Variants in VWCE observed in about 807,000 individuals in gnomAD.
VWCE encodes the protein von Willebrand factor C and EGF domains, also known as von Willebrand factor C and EGF domain-containing protein.
A neutral mutation model predicts 102.9 loss-of-function variants in VWCE; 68 were observed. The observed-to-expected ratio is 0.66, with a 90% CI of 0.54 to 0.81. The LOEUF (loss-of-function observed/expected upper bound fraction) is 0.81. Among genes scored for constraint, VWCE ranks in the 30% least tolerant of loss-of-function variants. The pLI is 0.00. For synonymous variants in VWCE, 497 were observed against 515.4 expected (o/e 0.96, Z 0.48); for missense variants, 1,137 against 1,263.6 (o/e 0.90, Z 1.52).
chr11:61,275,759 A>T (rs56352432), intron 11 of VWCE, among the ~76,000 whole-genome samples: 8,733 of 152,268 alleles, frequency 0.057, 768 homozygotes, highest in African/African-American at 0.19. Flanking sequence ...AGCAGGGAAC[A>T]TCCATGACAG....
At chr11:61,260,383 C>G (rs946302965) in intron 19 of VWCE, among the ~76,000 whole-genome samples, 1 of 152,318 alleles carries the variant, frequency 6.6e-6, no homozygotes. Flanking sequence ...AAGCGATCCT[C>G]CCATCTCGGC....
intron 19 of VWCE, among the ~76,000 whole-genome samples, chr11:61,262,441 C>T (rs1442874075): frequency 6.6e-6 from 1 of 152,212 alleles, no homozygotes; most frequent in East Asian, 1.9e-4. Context: ...CGCTGGAACA[C>T]TCCATGAACA....
intron 6 of VWCE, 122 bp downstream of exon 6, chr11:61,282,667 C>T: frequency 1.3e-6 from 1 of 781,586 alleles, no homozygotes; most frequent in Non-Finnish European, 2.2e-6. Context: ...AAGGCTCAAG[C>T]CCCTTCAAGC....
chr11:61,266,934 A>C (rs530824417), intron 16 of VWCE, among the ~76,000 whole-genome samples: 1 of 152,292 alleles, frequency 6.6e-6, no homozygotes, highest in Admixed American at 6.5e-5. Context: ...GGTAACCCGG[A>C]AGCAGAGGAC....
Position 61,258,644 on chromosome 11 carries a change from T to C in VWCE, c.*31A>G, listed in dbSNP as rs1436750784. 1.5e-6 allele frequency: 2 copies of C among 1,342,170 alleles called. No individual in the cohort carries two copies. Among genetic ancestry groups the C allele is most frequent in the Non-Finnish European group, 1.9e-6 (2 of 1,040,582 alleles). The allele number at this position is 1,342,170 out of a possible 1,614,324, so 83.1% of individuals were successfully genotyped here. ...CCCTGGGCCACTGGCAGAGGTCCTC[T>C]CTCCAGAGTCTCCCGGACACAGTGA... On this transcript the variant is annotated 3_prime_UTR_variant, in exon 20 of 20. Transcript: ENST00000335613.
chr11:61,282,492 G>T, intron 6 of VWCE: 1 of 321,940 alleles, frequency 3.1e-6, no homozygotes, highest in Non-Finnish European at 5.7e-6. Context: ...GGGAGCAAAG[G>T]CAGCCAAGAA....
intron 15 of VWCE, among the ~76,000 whole-genome samples, 175 bp from the exon 16 acceptor site, chr11:61,267,719 G>A (rs1854555786): frequency 6.6e-6 from 1 of 152,184 alleles, no homozygotes; most frequent in Non-Finnish European, 1.5e-5. Flanking sequence ...TGTCTGAATC[G>A]GGTATTGACT....
At chr11:61,291,997 T>C (rs1855519115) in intron 1 of VWCE, among the ~76,000 whole-genome samples, 1 of 152,166 alleles carries the variant, frequency 6.6e-6, no homozygotes, top group Non-Finnish European at 1.5e-5. Flanking sequence ...CGAAGCAGGC[T>C]GATCATTTTG....
intron 19 of VWCE, among the ~76,000 whole-genome samples, chr11:61,259,764 A>G (rs1156709867): frequency 6.6e-6 from 1 of 152,220 alleles, no homozygotes; most frequent in East Asian, 1.9e-4. Context: ...TCTGAGGCAT[A>G]TGGGAACTCT....
At position 61,292,492 on chromosome 11, in the gene VWCE, T is replaced by C. The variant is rs191707734; in HGVS notation, c.111-916A>G. On this transcript the variant is annotated intron_variant, in intron 1 of 19. Transcript: ENST00000335613. ...ACAGGAGTGCCTGGCATGTAGTAGG[T>C]GCTCAATAAATGGCTGTTGAGGGAA... 2.6e-5 allele frequency among the ~76,000 whole-genome samples: 4 copies of C among 152,228 alleles called. No homozygotes were observed. In the East Asian group the frequency reaches 7.7e-4, roughly 29 times the overall value.
At chr11:61,277,263 C>T (rs920726731) in intron 10 of VWCE, among the ~76,000 whole-genome samples, 20 of 151,710 alleles carry the variant, frequency 1.3e-4, no homozygotes, top group African/African-American at 4.8e-4. Context: ...GTCTGCATGC[C>T]CCTGATTTCA....
chr11:61,270,196 G>A (rs758925177), intron 14 of VWCE, among the ~76,000 whole-genome samples: 1 of 152,198 alleles, frequency 6.6e-6, no homozygotes, highest in Non-Finnish European at 1.5e-5. Flanking sequence ...TGGGATTACA[G>A]GCGTGAGCCA....
At chr11:61,282,429 G>T (rs1008934075) in intron 6 of VWCE, 2 of 216,652 alleles carry the variant, frequency 9.2e-6, no homozygotes, top group Non-Finnish European at 1.8e-5. Context: ...TGAGAAAACA[G>T]GGTCTCCTTC....
Position 61,259,086 on chromosome 11 carries a change from T to C in VWCE, c.2457A>G (p.Gly819=). Residue 819 remains glycine (G), a synonymous_variant, in exon 20 of 20, where the codon GGA becomes GGG. Transcript: ENST00000335613. ...AAGCGAGTGAGTGTGGACCATGAGC[T>C]CCTGCCGGGCTTGTAGGTAAAGTCT... is the stretch of plus-strand genomic sequence containing the variant. The part of the protein sequence containing the change: ...KTQTLPTSPA[G]AHGPHSLALG... 1 of 1,613,880 alleles carries C rather than the reference T, an allele frequency of 6.2e-7. No individual in the cohort carries two copies. The highest frequency in any genetic ancestry group is 8.5e-7 in the Non-Finnish European group (1 of 1,179,894).
chr11:61,263,455 C>T (rs1446668541), intron 19 of VWCE, among the ~76,000 whole-genome samples: 1 of 152,090 alleles, frequency 6.6e-6, no homozygotes, highest in Non-Finnish European at 1.5e-5. Context: ...GCCAAAGAAG[C>T]AGAGAATAGA....
In VWCE at chr11:61,259,119, C is replaced by T. The variant is rs1854278181; in HGVS notation, c.2424G>A (p.Met808Ile). 6.2e-7 allele frequency: 1 copy of T among 1,614,124 alleles called. No individual in the cohort carries two copies. Among genetic ancestry groups the T allele is most frequent in the Non-Finnish European group, 8.5e-7 (1 of 1,180,004 alleles). ...GGCTTGTAGGTAAAGTCTGTGTTTT[C>T]ATCAAGTTCGTTCTTAAAAGGAGCT... Reference protein sequence around the residue: ...LLQLLLRTNLMKTQTLPTSPA... With the variant: ...LLQLLLRTNLIKTQTLPTSPA... The change falls in exon 20 of 20, where the codon ATG becomes ATA. Residue 808 changes from methionine to isoleucine, a missense_variant. By Grantham distance (10) the Met-to-Ile change is conservative (BLOSUM62 1). Around this residue, in one of 5 missense-constraint regions of VWCE, gnomAD observed 316 missense variants for 319.3 expected, o/e 0.99. Transcript: ENST00000335613.
Position 61,294,875 on chromosome 11 carries a change from C to G in VWCE, c.110+53G>C, listed in dbSNP as rs1263372733. On this transcript the variant is annotated intron_variant, in intron 1 of 19. Transcript: ENST00000335613. This position sits in a 1 kb window ranked among gnomAD's most constrained non-coding sequence, Gnocchi z 6.3. ...CGCCCCTCCGCGCCTCTCGACTGCACGCCGGTAGCGCTCTCCCGGGCGGGG... is the reference window on the plus strand; with the variant it reads ...CGCCCCTCCGCGCCTCTCGACTGCAGGCCGGTAGCGCTCTCCCGGGCGGGG... 8.0e-7 allele frequency: 1 copy of G among 1,251,298 alleles called. No individual in the cohort carries two copies. The allele number at this position is 1,251,298 out of a possible 1,614,324, so 77.5% of individuals were successfully genotyped here.
At chr11:61,292,676 T>C (rs911476924) in intron 1 of VWCE, among the ~76,000 whole-genome samples, 1 of 152,024 alleles carries the variant, frequency 6.6e-6, no homozygotes, top group African/African-American at 2.4e-5. Context: ...GGGTGCTGAG[T>C]AAGGCGTGAC....
chr11:61,294,838 G>T lies in VWCE; in HGVS notation c.110+90C>A. Reference sequence around the variant, plus strand: ...AGGAAGCCCCGACACGCGGCTGCCTGCGGCTCCTGAGCGCCCCTCCGCGCC... The same window carrying T: ...AGGAAGCCCCGACACGCGGCTGCCTTCGGCTCCTGAGCGCCCCTCCGCGCC... On this transcript the variant is annotated intron_variant, in intron 1 of 19. Transcript: ENST00000335613. The surrounding 1 kb of genome is among the most constrained non-coding windows in gnomAD (Gnocchi z 6.3). 1 of 897,230 alleles carries T rather than the reference G, an allele frequency of 1.1e-6. No homozygotes were observed. The highest frequency in any genetic ancestry group is 1.5e-6 in the Non-Finnish European group (1 of 663,050). The allele number at this position is 897,230 out of a possible 1,614,324, so 55.6% of individuals were successfully genotyped here.
Sources: gnomAD v4.1 joint callset for allele counts (sites outside exome capture counted in the v4.1 genomes callset) on GRCh38, gnomAD v4.1.1 for gene constraint, gnomAD v4.1.1 regional missense constraint, Gnocchi (gnomAD v3.1) non-coding constraint, MANE v1.5 for transcripts, NCBI Gene and HGNC (gene_info 2026-07-23, HGNC 2026-07-21) for gene names.